The following COL12A1 variants were observed in gnomAD, a reference collection of about 807,000 sequenced individuals.
The protein encoded by COL12A1 is collagen alpha-1(XII) chain.
In COL12A1, 114 loss-of-function variants were observed where a neutral mutation model predicts 349.7. That is an observed-to-expected ratio of 0.33 (90% CI 0.28 to 0.38). COL12A1 has a LOEUF of 0.38. Ranked by LOEUF, COL12A1 falls within the 10% of genes least tolerant of loss-of-function variation. COL12A1 has a pLI of 1.00. For missense variants in COL12A1, 3,284 were observed against 3,756.9 expected, an observed-to-expected ratio of 0.87 and a Z score of 3.29; for synonymous variants, 1,369 against 1,329.0, an observed-to-expected ratio of 1.03 and a Z score of -0.66.
At chr6:75,150,080 G>C (rs928951110) in intron 21 of COL12A1, among the ~76,000 whole-genome samples, 9 of 152,060 alleles carry the variant, frequency 5.9e-5, no homozygotes, top group Admixed American at 5.9e-4. Context: ...CTAGCACCCA[G>C]AGCAAGTGAA....
chr6:75,090,879 T>C lies in COL12A1; in HGVS notation c.8752+444A>G, dbSNP rs1322816856. On this transcript the variant is annotated intron_variant, in intron 62 of 65. Coordinates refer to ENST00000322507, the MANE Select transcript of COL12A1 (RefSeq NM_004370.6). This position sits in a 1 kb window ranked among gnomAD's most constrained non-coding sequence, Gnocchi z 4.1. ...TGATTAAGACTTCTCTAAGAGTGAG[T>C]TATGGGTTTAAGGCCCACACCAGTC... is the stretch of plus-strand genomic sequence containing the variant. 6.6e-6 allele frequency among the ~76,000 whole-genome samples: 1 copy of C among 152,164 alleles called. No individual in the cohort carries two copies. The highest frequency in any genetic ancestry group is 1.5e-5 in the Non-Finnish European group (1 of 68,038).
chr6:75,137,535 A>G lies in COL12A1; in HGVS notation c.5296T>C (p.Ser1766Pro). ...TCCCACTTAACAGTCAGGCTGTTAG[A>G]TGTTGCATTGTACACTTGAAGGTTT... Reference protein sequence around the residue: ...PRNLQVYNATSNSLTVKWDPA... With the variant: ...PRNLQVYNATPNSLTVKWDPA... The change falls in exon 31 of 66, where the codon TCT becomes CCT. Residue 1766 changes from serine to proline, a missense_variant. Physicochemically the swap from Ser to Pro is moderately conservative, Grantham distance 74. This residue lies in a region of COL12A1 where 2,601 missense variants were observed against 2,824.8 expected (regional missense o/e 0.92). Transcript: ENST00000322507. 6.2e-7 allele frequency: 1 copy of G among 1,613,834 alleles called. No homozygotes were observed. The highest frequency in any genetic ancestry group is 8.5e-7 in the Non-Finnish European group (1 of 1,179,858).
chr6:75,184,236 C>A, intron 8 of COL12A1, 92 bp from the exon 9 acceptor site: 2 of 1,287,144 alleles, frequency 1.6e-6, no homozygotes, highest in African/African-American at 3.0e-5. Context: ...TCTCCTTATT[C>A]AAATTCATCC....
intron 51 of COL12A1, among the ~76,000 whole-genome samples, chr6:75,110,942 G>C (rs1220002370): frequency 2.6e-5 from 4 of 151,920 alleles, no homozygotes; most frequent in Admixed American, 6.6e-5. Flanking sequence ...AGATGAGAGT[G>C]GGTCAATGGG....
chr6:75,132,184 C>G (rs1452906634), intron 34 of COL12A1, 102 bp from the exon 35 acceptor site: 1 of 1,399,866 alleles, frequency 7.1e-7, no homozygotes, highest in East Asian at 2.3e-5. Flanking sequence ...GGATAAAATG[C>G]TATCTTCTTT....
intron 26 of COL12A1, 112 bp downstream of exon 26, chr6:75,143,140 T>C (rs1346352946): frequency 9.5e-6 from 12 of 1,268,590 alleles, no homozygotes; most frequent in Middle Eastern, 5.3e-4. Context: ...AACACTGTGT[T>C]AACAAAGTGA....
chr6:75,152,044 T>C lies in COL12A1; in HGVS notation c.3836-13A>G, dbSNP rs1369556245. On this transcript the variant is annotated splice_polypyrimidine_tract_variant and intron_variant, in intron 19 of 65. Coordinates refer to ENST00000322507, the MANE Select transcript of COL12A1 (RefSeq NM_004370.6). ...TTCAAAGCCATGCCTAGTGGGATTTTTAAAAGAGAATCAGTCACATCACCA... is the reference window on the plus strand; with the variant it reads ...TTCAAAGCCATGCCTAGTGGGATTTCTAAAAGAGAATCAGTCACATCACCA... The C allele has an allele frequency of 5.6e-6, 9 of 1,613,668 alleles. No individual in the cohort carries two copies.
rs749187959 is a variant in COL12A1, at chr6:75,128,284, C to G, written c.6340+12G>C. The G allele has an allele frequency of 6.3e-7, 1 of 1,587,092 alleles. No homozygotes were observed. Among genetic ancestry groups the G allele is most frequent in the Non-Finnish European group, 8.6e-7 (1 of 1,168,750 alleles). On this transcript the variant is annotated intron_variant, in intron 38 of 65. Coordinates refer to ENST00000322507, the MANE Select transcript of COL12A1 (RefSeq NM_004370.6). ...CAAAGCAAAAATAAAAGGGGGAGTA[C>G]AAAACACTTACCAGTTCTTCCATTT...
At position 75,131,971 on chromosome 6, in the gene COL12A1, G is replaced by A; in HGVS notation, c.5906C>T (p.Ser1969Phe). Residue 1969 changes from serine (S) to phenylalanine (F), a missense_variant, in exon 35 of 66, where the codon TCT (serine) becomes TTT (phenylalanine). Coordinates refer to ENST00000322507, the MANE Select transcript of COL12A1 (RefSeq NM_004370.6). ...GPVLQYRVVYSPVDGTRPSES... is the reference protein window; with the variant it reads ...GPVLQYRVVYFPVDGTRPSES... ...TGAGGGTCTTGTGCCATCCACAGGA[G>A]AATACACAACGCGATATTGCAGCAC... is the stretch of plus-strand genomic sequence containing the variant. 6.2e-7 allele frequency: 1 copy of A among 1,614,086 alleles called. No homozygotes were observed. The highest frequency in any genetic ancestry group is 8.5e-7 in the Non-Finnish European group (1 of 1,179,998).
Position 75,205,954 on chromosome 6 carries a change from C to T in COL12A1, c.-213G>A. 6.5e-6 allele frequency: 1 copy of T among 153,510 alleles called. No homozygotes were observed. The highest frequency in any genetic ancestry group is 1.4e-5 in the Non-Finnish European group (1 of 69,002). 9.5% of individuals were successfully genotyped at this position (153,510 alleles called of 1,614,324 possible). ...GAAGTCCAGGAGGAGGAGGAGAATC[C>T]CAGGAGGAGAGGCGGGCGCGGCAGG... is the stretch of plus-strand genomic sequence containing the variant. On this transcript the variant is annotated 5_prime_UTR_variant, in exon 1 of 66. Coordinates refer to ENST00000322507, the MANE Select transcript of COL12A1 (RefSeq NM_004370.6).
At chr6:75,191,831 A>G (rs1769945940) in intron 4 of COL12A1, 71 bp from the exon 5 acceptor site, 1 of 943,238 alleles carries the variant, frequency 1.1e-6, no homozygotes, top group East Asian at 3.1e-5. Context: ...TAGAATAAAT[A>G]TATTATATTA....
intron 51 of COL12A1, among the ~76,000 whole-genome samples, 188 bp from the exon 52 acceptor site, chr6:75,109,355 A>G (rs1266563391): frequency 1.3e-5 from 2 of 152,180 alleles, no homozygotes; most frequent in Non-Finnish European, 2.9e-5. Context: ...ATGAAATTAG[A>G]CAAGCCACTT....
chr6:75,097,393 G>A (rs988202553), intron 58 of COL12A1, 87 bp from the exon 59 acceptor site: 8 of 1,045,250 alleles, frequency 7.7e-6, no homozygotes, highest in Middle Eastern at 2.1e-4. Flanking sequence ...AAAGCTGAAG[G>A]CTGAAGAGAA....
intron 59 of COL12A1, 122 bp downstream of exon 59, chr6:75,097,131 C>T: frequency 1.6e-6 from 1 of 609,954 alleles, no homozygotes; most frequent in Middle Eastern, 2.8e-4. Flanking sequence ...AATAAAAACA[C>T]AGTTCCCTCA....
chr6:75,172,953 CT>C (rs777672864), intron 13 of COL12A1, among the ~76,000 whole-genome samples: 3 of 152,176 alleles, frequency 2.0e-5, no homozygotes, highest in Non-Finnish European at 4.4e-5. Context: ...TATAAGAGGA[CT>C]TTGGTATATG....
At chr6:75,118,928 C>A in intron 46 of COL12A1, 115 bp downstream of exon 46, 1 of 1,389,376 alleles carries the variant, frequency 7.2e-7, no homozygotes, top group Non-Finnish European at 9.9e-7. Context: ...GTATACCGTG[C>A]AGAGTGAAAC....
At chr6:75,180,654 C>G (rs1769215188) in intron 11 of COL12A1, among the ~76,000 whole-genome samples, 1 of 151,620 alleles carries the variant, frequency 6.6e-6, no homozygotes, top group Admixed American at 6.6e-5. Context: ...AATTTGGGAC[C>G]AAAAAAGATG....
chr6:75,151,719 T>C, intron 20 of COL12A1, 148 bp downstream of exon 20: 1 of 947,168 alleles, frequency 1.1e-6, no homozygotes, highest in Non-Finnish European at 1.5e-6. Context: ...AAAAAGTGAA[T>C]TAACTTCCTG....
At chr6:75,190,107 A>G (rs976079103) in intron 5 of COL12A1, among the ~76,000 whole-genome samples, 8 of 152,008 alleles carry the variant, frequency 5.3e-5, no homozygotes, top group Admixed American at 5.3e-4. Flanking sequence ...CCGGGAGCAT[A>G]AAGTCCAAGT....
Sources: gnomAD v4.1 joint callset for allele counts (sites outside exome capture counted in the v4.1 genomes callset) on GRCh38, gnomAD v4.1.1 for gene constraint, gnomAD v4.1.1 regional missense constraint, Gnocchi (gnomAD v3.1) non-coding constraint, MANE v1.5 for transcripts, NCBI Gene and HGNC (gene_info 2026-07-23, HGNC 2026-07-21) for gene names.